The following BIRC6 variants were observed in gnomAD, a reference collection of about 807,000 sequenced individuals.
The protein encoded by BIRC6 is baculoviral IAP repeat containing 6, also known as dual E2 ubiquitin-conjugating enzyme/E3 ubiquitin-protein ligase BIRC6.
Under a neutral mutation model 503.3 loss-of-function variants are expected in BIRC6, and 98 were observed. The ratio of observed to expected loss-of-function variants is 0.19; its 90% CI spans 0.17 to 0.23. BIRC6 has a LOEUF of 0.23. Ranked by LOEUF, BIRC6 falls within the 10% of genes least tolerant of loss-of-function variation. The pLI is 1.00. For synonymous variants in BIRC6, 2,240 were observed against 2,078.7 expected (o/e 1.08, Z -2.11); for missense variants, 5,360 against 5,806.0 (o/e 0.92, Z 2.50).
intron 49 of BIRC6, among the ~76,000 whole-genome samples, chr2:32,504,034 T>TGGTG (rs2053513911): frequency 1.3e-5 from 1 of 78,228 alleles, no homozygotes; most frequent in African/African-American, 5.3e-5. Flanking sequence ...GGGGGGGTGT[T>TGGTG]TGTGTGTGTG....
intron 9 of BIRC6, among the ~76,000 whole-genome samples, chr2:32,407,474 G>GA (rs1301372957): frequency 2.8e-5 from 4 of 145,220 alleles, no homozygotes; most frequent in African/African-American, 5.1e-5. Flanking sequence ...AAAAGATTTA[G>GA]ATAAGATAAG....
At chr2:32,366,242 T>G (rs144346461) in intron 1 of BIRC6, among the ~76,000 whole-genome samples, 285 of 152,364 alleles carry the variant, frequency 1.9e-3, no homozygotes, top group Non-Finnish European at 3.1e-3. Flanking sequence ...TTTTGGGCTT[T>G]CTTTCCCTGC....
intron 66 of BIRC6, among the ~76,000 whole-genome samples, chr2:32,586,023 A>G (rs753327039): frequency 9.2e-5 from 14 of 152,162 alleles, no homozygotes; most frequent in Non-Finnish European, 1.8e-4. Context: ...AAGCCTTCTG[A>G]TACTGTTGAT....
intron 66 of BIRC6, among the ~76,000 whole-genome samples, chr2:32,576,960 T>A (rs1361356362): frequency 6.6e-6 from 1 of 152,150 alleles, no homozygotes; most frequent in African/African-American, 2.4e-5. Flanking sequence ...TCTTTGATAG[T>A]GTGATATTTT....
intron 49 of BIRC6, 62 bp from the exon 50 acceptor site, chr2:32,504,943 T>A: frequency 7.2e-7 from 1 of 1,397,150 alleles, no homozygotes; most frequent in East Asian, 2.5e-5. Flanking sequence ...TTGTATAGAT[T>A]TTAAAGCTTT....
chr2:32,393,712 G>A (rs1054698364), intron 5 of BIRC6, among the ~76,000 whole-genome samples: 1 of 152,142 alleles, frequency 6.6e-6, no homozygotes, highest in African/African-American at 2.4e-5. Flanking sequence ...GTAGAGATGA[G>A]ATTTCACTGT....
At chr2:32,507,902 A>G (rs541697569) in intron 50 of BIRC6, 78 bp from the exon 51 acceptor site, 23 of 1,355,248 alleles carry the variant, frequency 1.7e-5, no homozygotes, top group Middle Eastern at 2.6e-4. Flanking sequence ...GAAAGCTGCT[A>G]TTTTACTGGG....
intron 22 of BIRC6, among the ~76,000 whole-genome samples, chr2:32,450,532 C>T (rs1265832970): frequency 6.6e-6 from 1 of 152,100 alleles, no homozygotes; most frequent in Admixed American, 6.6e-5. Context: ...AGTCTCTCTA[C>T]AGCATTTTTT....
chr2:32,589,797 T>A (rs576123418), intron 66 of BIRC6, among the ~76,000 whole-genome samples: 29 of 152,334 alleles, frequency 1.9e-4, no homozygotes, highest in Non-Finnish European at 3.8e-4. Context: ...TAGCATGCAG[T>A]ACCTTCCGTA....
chr2:32,477,921 T>C (rs1461593054), intron 35 of BIRC6, among the ~76,000 whole-genome samples: 1 of 152,162 alleles, frequency 6.6e-6, no homozygotes, highest in Non-Finnish European at 1.5e-5. Context: ...AAATCTGATT[T>C]ATATTTTAAT....
Position 32,599,810 on chromosome 2 carries a change from A to G in BIRC6, c.13902A>G (p.Gln4634=), listed in dbSNP as rs1189887617. The G allele has an allele frequency of 8.1e-6, 13 of 1,613,812 alleles. No individual in the cohort carries two copies. The highest frequency in any genetic ancestry group is 1.0e-5 in the Non-Finnish European group (12 of 1,179,842). Residue 4634 remains glutamine, a synonymous_variant, in exon 70 of 74, where the codon CAA becomes CAG. Transcript: ENST00000421745. ...TTGAGTTTGATGTGTATTTTCCTCA[A>G]GATTATCCCAGTTCACCCCCTCTTG... The part of the protein sequence containing the change: ...GCFEFDVYFP[Q]DYPSSPPLVN...
chr2:32,436,923 C>T (rs1469915621), intron 15 of BIRC6, among the ~76,000 whole-genome samples: 1 of 118,026 alleles, frequency 8.5e-6, no homozygotes, highest in African/African-American at 3.3e-5. Context: ...GAGTTTTGCT[C>T]TGTTACCCAG....
intron 65 of BIRC6, among the ~76,000 whole-genome samples, chr2:32,551,758 A>AT (rs1240778281): frequency 1.6e-4 from 25 of 152,242 alleles, no homozygotes; most frequent in Admixed American, 5.2e-4. Context: ...CCACTCCACC[A>AT]TTTTTTACTA....
intron 1 of BIRC6, among the ~76,000 whole-genome samples, chr2:32,368,253 C>A (rs1348883257): frequency 6.6e-6 from 1 of 151,914 alleles, no homozygotes; most frequent in Non-Finnish European, 1.5e-5. Context: ...GGAGTTCAAA[C>A]TCCCTGGCTG....
intron 51 of BIRC6, among the ~76,000 whole-genome samples, chr2:32,508,738 T>G (rs777302421): frequency 2.4e-4 from 36 of 152,072 alleles, no homozygotes; most frequent in Non-Finnish European, 4.0e-4. Context: ...TCTGATAAAT[T>G]TTGACAGCTG....
In BIRC6 at chr2:32,524,870, G is replaced by A. The variant is rs1186943693; in HGVS notation, c.11624-18G>A. On this transcript the variant is annotated intron_variant, in intron 57 of 73. Transcript: ENST00000421745. ...TGATTTGGAAAAGCAGTGTATTTTA[G>A]ATAATATCTTCTTACAGATACTCCA... The A allele has an allele frequency of 1.4e-6, 2 of 1,387,570 alleles. No individual in the cohort carries two copies. Among genetic ancestry groups the A allele is most frequent in the Non-Finnish European group, 1.9e-6 (2 of 1,043,150 alleles). 86.0% of individuals were successfully genotyped at this position (1,387,570 alleles called of 1,614,324 possible).
intron 12 of BIRC6, among the ~76,000 whole-genome samples, chr2:32,431,747 T>C (rs576804318): frequency 5.3e-5 from 8 of 152,228 alleles, no homozygotes; most frequent in Non-Finnish European, 1.2e-4. Flanking sequence ...GCTTGTTTTG[T>C]ATTTAATAAA....
intron 61 of BIRC6, among the ~76,000 whole-genome samples, chr2:32,535,326 T>C (rs560407128): frequency 1.8e-4 from 28 of 152,230 alleles, no homozygotes; most frequent in African/African-American, 5.8e-4. Context: ...TTTTAAATTA[T>C]ACTTTTAGGG....
chr2:32,562,778 C>A (rs1446066284), intron 65 of BIRC6, among the ~76,000 whole-genome samples: 1 of 152,094 alleles, frequency 6.6e-6, no homozygotes, highest in East Asian at 1.9e-4. Context: ...GTGGCTGCTT[C>A]CTTTTTTATC....
Sources: allele counts gnomAD v4.1 joint callset (sites outside exome capture counted in the v4.1 genomes callset), GRCh38; gene constraint gnomAD v4.1.1; transcripts MANE v1.5; gene names NCBI Gene and HGNC (gene_info 2026-07-23, HGNC 2026-07-21).